The following VSTM2L variants were observed in gnomAD, a reference collection of about 807,000 sequenced individuals.
VSTM2L encodes the protein V-set and transmembrane domain containing 2 like, also known as V-set and transmembrane domain-containing protein 2-like protein.
VSTM2L carries 9 observed loss-of-function variants against 19.9 expected under a neutral mutation model. That is an observed-to-expected ratio of 0.45 (90% CI 0.27 to 0.79). The LOEUF (loss-of-function observed/expected upper bound fraction) is 0.79, where lower values mean the gene tolerates loss of function less well. Ranked by LOEUF, VSTM2L falls within the 30% of genes least tolerant of loss-of-function variation. VSTM2L has a pLI of 0.15. For synonymous variants in VSTM2L, 127 were observed against 133.8 expected, an observed-to-expected ratio of 0.95 and a Z score of 0.35; for missense variants, 286 against 295.5, an observed-to-expected ratio of 0.97 and a Z score of 0.24.
chr20:37,942,840 T>A (rs964736160), intron 3 of VSTM2L, among the ~76,000 whole-genome samples: 1 of 152,222 alleles, frequency 6.6e-6, no homozygotes, highest in African/African-American at 2.4e-5. Context: ...AAAGTCAAAG[T>A]ACAAAGACGA....
At chr20:37,904,018 C>T (rs1266725893) in intron 1 of VSTM2L, among the ~76,000 whole-genome samples, 2 of 152,214 alleles carry the variant, frequency 1.3e-5, no homozygotes, top group Non-Finnish European at 2.9e-5. Flanking sequence ...TCCTCTCTGC[C>T]CATCTGCCTT....
At chr20:37,911,136 T>G (rs2072777135) in intron 1 of VSTM2L, among the ~76,000 whole-genome samples, 1 of 140,492 alleles carries the variant, frequency 7.1e-6, no homozygotes. Flanking sequence ...CCGGGCATGG[T>G]GGCGGGCACC....
chr20:37,903,150 C>A lies in VSTM2L; in HGVS notation c.-201C>A. On this transcript the variant is annotated 5_prime_UTR_variant, in exon 1 of 4. Transcript: ENST00000373461. ...CCGCAGTCGGAGGCGGCCGGCTGGG[C>A]GTGCGCTCGCTCCCCGAAGCCGGGG... The A allele has an allele frequency of 1.6e-6, 1 of 606,982 alleles. No homozygotes were observed. Among genetic ancestry groups the A allele is most frequent in the Non-Finnish European group, 2.3e-6 (1 of 435,050 alleles). The allele number at this position is 606,982 out of a possible 1,614,324, so 37.6% of individuals were successfully genotyped here.
intron 1 of VSTM2L, among the ~76,000 whole-genome samples, chr20:37,908,807 G>T (rs2072764386): frequency 6.6e-6 from 1 of 152,152 alleles, no homozygotes. Context: ...TGTCTCAAAA[G>T]TAAATAAATA....
chr20:37,929,235 T>C (rs2072895361), intron 1 of VSTM2L, among the ~76,000 whole-genome samples: 1 of 152,060 alleles, frequency 6.6e-6, no homozygotes, highest in East Asian at 1.9e-4. Flanking sequence ...GGCAGAGGAA[T>C]CAGCAGGTGC....
intron 1 of VSTM2L, among the ~76,000 whole-genome samples, chr20:37,916,354 C>T (rs888791610): frequency 6.6e-6 from 1 of 152,262 alleles, no homozygotes; most frequent in Non-Finnish European, 1.5e-5. Context: ...GCGCTTGCCT[C>T]CCTCCCTCCC....
chr20:37,944,178 G>GCCCGCCCCGCCGCC lies in VSTM2L; in HGVS notation c.544_557dup (p.Lys187ProfsTer11). The stretch of plus-strand genomic sequence containing the variant: ...ATCTGCCCGAAGCCCCTCCCGCCGC[G>GCCCGCCCCGCCGCC]CCCGCCCCGCCGCCCCCCAAGCCAG... On this transcript the variant is annotated frameshift_variant, in exon 4 of 4. Coordinates refer to ENST00000373461, the MANE Select transcript of VSTM2L (RefSeq NM_080607.3). LOFTEE classifies it high-confidence loss of function. 1 of 1,517,052 alleles carries GCCCGCCCCGCCGCC rather than the reference G, an allele frequency of 6.6e-7. No individual in the cohort carries two copies. The highest frequency in any genetic ancestry group is 8.9e-7 in the Non-Finnish European group (1 of 1,128,394). The allele number at this position is 1,517,052 out of a possible 1,614,324, so 94.0% of individuals were successfully genotyped here. A position where few individuals can be genotyped will look rare whatever the true frequency, so the allele number is the denominator to read the frequency against.
chr20:37,942,027 T>C (rs2072975162), intron 3 of VSTM2L, among the ~76,000 whole-genome samples: 1 of 152,148 alleles, frequency 6.6e-6, no homozygotes, highest in Non-Finnish European at 1.5e-5. Context: ...CCATCTGCTT[T>C]TTCTTTTTTA....
chr20:37,933,325 T>A (rs558248409), intron 2 of VSTM2L, among the ~76,000 whole-genome samples: 1 of 152,322 alleles, frequency 6.6e-6, no homozygotes, highest in South Asian at 2.1e-4. Flanking sequence ...ATACCTCCAT[T>A]ATCTTCTTTT....
intron 3 of VSTM2L, among the ~76,000 whole-genome samples, chr20:37,943,758 C>T (rs2072987722): frequency 6.6e-6 from 1 of 152,178 alleles, no homozygotes; most frequent in Non-Finnish European, 1.5e-5. Flanking sequence ...GTGCTTCATG[C>T]AGGGAACCGG....
In VSTM2L at chr20:37,943,907, G is replaced by GCCC. The variant is rs1179725682; in HGVS notation, c.343-74_343-73insCCC. 8 of 862,770 alleles carry GCCC rather than the reference G, an allele frequency of 9.3e-6. No individual in the cohort carries two copies. The African/African-American group carries it at 1.5e-4, about 16-fold the overall frequency. The allele number at this position is 862,770 out of a possible 1,614,324, so 53.4% of individuals were successfully genotyped here. On this transcript the variant is annotated intron_variant, in intron 3 of 3. Coordinates refer to ENST00000373461, the MANE Select transcript of VSTM2L (RefSeq NM_080607.3). ...CTCCCGTCCTAGCATGCGATCTTGG[G>GCCC]ACCCCCCCCCCCGACTCTTCTTCTC... is the stretch of plus-strand genomic sequence containing the variant.
intron 1 of VSTM2L, among the ~76,000 whole-genome samples, chr20:37,922,362 T>C (rs2122956455): frequency 6.6e-6 from 1 of 152,306 alleles, no homozygotes; most frequent in Admixed American, 6.5e-5. Flanking sequence ...TAAGGCTGAA[T>C]ACTACTCCAT....
chr20:37,907,135 CTTGCTCTA>C (rs1254023093), intron 1 of VSTM2L, among the ~76,000 whole-genome samples: 1 of 152,198 alleles, frequency 6.6e-6, no homozygotes, highest in Admixed American at 6.5e-5. Context: ...GAGACAAGAT[CTTGCTCTA>C]TTGACCAGGC....
chr20:37,911,413 T>C (rs1568834201), intron 1 of VSTM2L, among the ~76,000 whole-genome samples: 1 of 152,168 alleles, frequency 6.6e-6, no homozygotes, highest in Non-Finnish European at 1.5e-5. Context: ...TTCTGCCTTA[T>C]TTCCCAAAGG....
intron 1 of VSTM2L, among the ~76,000 whole-genome samples, chr20:37,906,940 G>T (rs996499920): frequency 1.3e-5 from 2 of 152,134 alleles, no homozygotes; most frequent in African/African-American, 4.8e-5. Context: ...AGAGGGCAGG[G>T]TCTTTGTGAA....
At chr20:37,913,892 G>A (rs2072794495) in intron 1 of VSTM2L, among the ~76,000 whole-genome samples, 1 of 152,260 alleles carries the variant, frequency 6.6e-6, no homozygotes, top group African/African-American at 2.4e-5. Flanking sequence ...AGTGGGGAGG[G>A]CGCACGGCCA....
At chr20:37,931,535 C>CCCCG in intron 1 of VSTM2L, 100 bp from the exon 2 acceptor site, 1 of 1,367,866 alleles carries the variant, frequency 7.3e-7, no homozygotes, top group Non-Finnish European at 1.0e-6. Context: ...ACCCATCCCC[C>CCCCG]GCCGTGCAGG....
intron 1 of VSTM2L, among the ~76,000 whole-genome samples, chr20:37,905,369 GC>G (rs1315863685): frequency 6.6e-6 from 1 of 152,094 alleles, no homozygotes; most frequent in East Asian, 1.9e-4. Flanking sequence ...TATTCCCAAG[GC>G]CCCAAGGTGG....
chr20:37,916,270 G>GC (rs2072818055), intron 1 of VSTM2L, among the ~76,000 whole-genome samples: 1 of 152,296 alleles, frequency 6.6e-6, no homozygotes, highest in Non-Finnish European at 1.5e-5. Context: ...ACGTCGGGAC[G>GC]CCTGTGTGCC....
Sources: allele counts gnomAD v4.1 joint callset (sites outside exome capture counted in the v4.1 genomes callset), GRCh38; gene constraint gnomAD v4.1.1; transcripts MANE v1.5; gene names NCBI Gene and HGNC (gene_info 2026-07-23, HGNC 2026-07-21).